Variants in NEK11 observed in about 807,000 individuals in gnomAD.
NEK11 encodes NIMA related kinase 11, also known as serine/threonine-protein kinase Nek11.
Under a neutral mutation model 80.7 loss-of-function variants are expected in NEK11, and 72 were observed. The observed-to-expected ratio is 0.89, with a 90% CI of 0.74 to 1.08. NEK11 has a LOEUF of 1.08. Ranked by LOEUF, NEK11 falls within the 50% of genes least tolerant of loss-of-function variation. The pLI, the probability that NEK11 is intolerant of heterozygous loss-of-function variation, is 0.00. For synonymous variants in NEK11, 251 were observed against 260.7 expected (o/e 0.96, Z 0.36); for missense variants, 764 against 763.6 (o/e 1.00, Z -0.01).
chr3:131,125,859 G>A (rs1652036607), intron 5 of NEK11, among the ~76,000 whole-genome samples: 1 of 152,300 alleles, frequency 6.6e-6, no homozygotes, highest in Non-Finnish European at 1.5e-5. Flanking sequence ...TGTGGCTCAA[G>A]CATTTGCTAA....
chr3:131,073,361 C>G (rs1417520187), intron 3 of NEK11, among the ~76,000 whole-genome samples: 1 of 152,092 alleles, frequency 6.6e-6, no homozygotes, highest in African/African-American at 2.4e-5. Flanking sequence ...TGTTATAGTA[C>G]CAGCACTGAG....
chr3:131,337,879 C>A (rs913148143), intron 17 of NEK11, among the ~76,000 whole-genome samples: 1 of 152,092 alleles, frequency 6.6e-6, no homozygotes, highest in African/African-American at 2.4e-5. Flanking sequence ...GGAGTTATAT[C>A]GCATACCTCA....
intron 5 of NEK11, among the ~76,000 whole-genome samples, chr3:131,115,920 TTCTTTCTTTCTTTCTTTC>T (rs1211678301): frequency 8.2e-5 from 8 of 97,168 alleles, no homozygotes; most frequent in African/African-American, 3.3e-4. Context: ...CTTTCTTTCT[TTCTTTCTTTCTTTCTTTC>T]TTTCTTTCTT....
chr3:131,225,615 T>A (rs1038458484), intron 14 of NEK11, among the ~76,000 whole-genome samples: 5 of 152,186 alleles, frequency 3.3e-5, no homozygotes, highest in Admixed American at 3.3e-4. Flanking sequence ...AATAACACAG[T>A]GTTACAGAGC....
intron 16 of NEK11, among the ~76,000 whole-genome samples, chr3:131,266,682 G>A (rs1411937803): frequency 6.6e-6 from 1 of 152,216 alleles, no homozygotes; most frequent in Non-Finnish European, 1.5e-5. Flanking sequence ...TGTATATTCT[G>A]TTGATTTCGG....
intron 17 of NEK11, among the ~76,000 whole-genome samples, chr3:131,288,967 C>G (rs1245221637): frequency 6.6e-6 from 1 of 152,162 alleles, no homozygotes; most frequent in African/African-American, 2.4e-5. Context: ...ATTCCTTTCC[C>G]CTCCCAGATT....
At chr3:131,204,335 T>C (rs2094376404) in intron 14 of NEK11, among the ~76,000 whole-genome samples, 1 of 152,178 alleles carries the variant, frequency 6.6e-6, no homozygotes, top group Non-Finnish European at 1.5e-5. Flanking sequence ...CCCTGAGTTC[T>C]GTGAGTCACC....
intron 17 of NEK11, among the ~76,000 whole-genome samples, chr3:131,316,163 A>G (rs1327158547): frequency 2.6e-5 from 4 of 152,238 alleles, no homozygotes; most frequent in Non-Finnish European, 4.4e-5. Flanking sequence ...CATTATGCCT[A>G]TCTTATTTTC....
intron 5 of NEK11, among the ~76,000 whole-genome samples, chr3:131,115,936 T>TTCTTTCTTTC (rs2081023418): frequency 2.5e-5 from 3 of 118,818 alleles, no homozygotes; most frequent in African/African-American, 9.8e-5. Flanking sequence ...CTTTCTTTCT[T>TTCTTTCTTTC]TCTTTCTTTC....
In NEK11 at chr3:131,058,441, T is replaced by G. The variant is rs577377505; in HGVS notation, c.171-21982T>G. On this transcript the variant is annotated intron_variant, in intron 3 of 17. Coordinates refer to ENST00000383366, the MANE Select transcript of NEK11 (RefSeq NM_024800.5). ...TTCTGTGAAGAAAGTCATTGGTAGC[T>G]TGATGGGGATGGCATTGAATCTAGT... 1.2e-3 allele frequency among the ~76,000 whole-genome samples: 187 copies of G among 152,320 alleles called. 1 individual carries two copies. The highest frequency in any genetic ancestry group is 4.3e-3 in the African/African-American group (180 of 41,566).
At chr3:131,298,687 T>G (rs1466539193) in intron 17 of NEK11, among the ~76,000 whole-genome samples, 1 of 151,966 alleles carries the variant, frequency 6.6e-6, no homozygotes, top group Non-Finnish European at 1.5e-5. Flanking sequence ...ATAATATGCC[T>G]AGGTGGTGGT....
At position 131,226,862 on chromosome 3, in the gene NEK11, TTA is replaced by T. The variant is rs1041208426; in HGVS notation, c.1400-1656_1400-1655del. 2.0e-5 allele frequency among the ~76,000 whole-genome samples: 3 copies of T among 152,032 alleles called. No individual in the cohort carries two copies. In the South Asian group the frequency reaches 6.2e-4, roughly 32 times the overall value. On this transcript the variant is annotated intron_variant, in intron 14 of 17. Coordinates refer to ENST00000383366, the MANE Select transcript of NEK11 (RefSeq NM_024800.5). Reference sequence around the variant, plus strand: ...GCATGTACATATGTGTATAGGTATGTTATATATATATGTGTACATACAGACAC... The same window carrying T: ...GCATGTACATATGTGTATAGGTATGTTATATATATGTGTACATACAGACAC...
At chr3:131,335,483 T>G (rs1467431705) in intron 17 of NEK11, among the ~76,000 whole-genome samples, 1 of 152,214 alleles carries the variant, frequency 6.6e-6, no homozygotes, top group Non-Finnish European at 1.5e-5. Flanking sequence ...TAATAAGAGC[T>G]ATCTATGACA....
chr3:131,154,710 T>C (rs1296688244), intron 9 of NEK11, among the ~76,000 whole-genome samples: 1 of 152,202 alleles, frequency 6.6e-6, no homozygotes, highest in Non-Finnish European at 1.5e-5. Flanking sequence ...GGAGTGTAGA[T>C]ACTGTCCTCT....
At chr3:131,169,179 C>T (rs2092501657) in intron 13 of NEK11, among the ~76,000 whole-genome samples, 1 of 152,108 alleles carries the variant, frequency 6.6e-6, no homozygotes, top group South Asian at 2.1e-4. Flanking sequence ...GGAAACTGCT[C>T]CCATCTTTGA....
At chr3:131,233,301 G>C (rs2095369108) in intron 15 of NEK11, among the ~76,000 whole-genome samples, 1 of 152,196 alleles carries the variant, frequency 6.6e-6, no homozygotes, top group South Asian at 2.1e-4. Context: ...GAGTTGCCTG[G>C]GAAGAGCAGG....
At chr3:131,095,041 G>C (rs558938352) in intron 4 of NEK11, among the ~76,000 whole-genome samples, 1 of 152,132 alleles carries the variant, frequency 6.6e-6, no homozygotes, top group Non-Finnish European at 1.5e-5. Flanking sequence ...TTAAATACCA[G>C]TTGATTTCTC....
chr3:131,073,537 C>A (rs1560271777), intron 3 of NEK11, among the ~76,000 whole-genome samples: 1 of 152,166 alleles, frequency 6.6e-6, no homozygotes, highest in Non-Finnish European at 1.5e-5. Flanking sequence ...TACTCATATG[C>A]TGCTAAAATA....
intron 17 of NEK11, among the ~76,000 whole-genome samples, chr3:131,288,599 T>G (rs961048318): frequency 6.6e-6 from 1 of 151,860 alleles, no homozygotes; most frequent in East Asian, 1.9e-4. Context: ...ATTATAGGCA[T>G]GCACCACCGT....
Sources: allele counts gnomAD v4.1 joint callset (sites outside exome capture counted in the v4.1 genomes callset), GRCh38; gene constraint gnomAD v4.1.1; transcripts MANE v1.5; gene names NCBI Gene and HGNC (gene_info 2026-07-23, HGNC 2026-07-21).